The following SESTD1 variants were observed in gnomAD, a reference collection of about 807,000 sequenced individuals.
SESTD1 encodes SEC14 and spectrin domain containing 1.
SESTD1 carries 43 observed loss-of-function variants against 101.7 expected under a neutral mutation model. That is an observed-to-expected ratio of 0.42 (90% CI 0.33 to 0.55). The LOEUF is 0.55. Among genes scored for constraint, SESTD1 ranks in the 20% least tolerant of loss-of-function variants. SESTD1 has a pLI of 0.07. For synonymous variants in SESTD1, 283 were observed against 286.8 expected, an observed-to-expected ratio of 0.99 and a Z score of 0.13; for missense variants, 647 against 815.1, an observed-to-expected ratio of 0.79 and a Z score of 2.51.
At chr2:179,213,052 G>T (rs1487397507) in intron 1 of SESTD1, among the ~76,000 whole-genome samples, 1 of 135,166 alleles carries the variant, frequency 7.4e-6, no homozygotes, top group Non-Finnish European at 1.6e-5. Flanking sequence ...AACCAGAGCA[G>T]AAAAGCTGAA....
At chr2:179,118,677 A>G (rs1198035062) in intron 13 of SESTD1, among the ~76,000 whole-genome samples, 1 of 152,240 alleles carries the variant, frequency 6.6e-6, no homozygotes, top group Non-Finnish European at 1.5e-5. Flanking sequence ...ATATGAAACT[A>G]AAAAACAATG....
At chr2:179,123,527 C>G (rs1352566390) in intron 12 of SESTD1, among the ~76,000 whole-genome samples, 188 bp downstream of exon 12, 1 of 152,026 alleles carries the variant, frequency 6.6e-6, no homozygotes, top group African/African-American at 2.4e-5. Context: ...GACTAACTAA[C>G]GATGAAAAAT....
intron 1 of SESTD1, among the ~76,000 whole-genome samples, chr2:179,257,756 C>T (rs1035211578): frequency 1.3e-5 from 2 of 152,174 alleles, no homozygotes; most frequent in African/African-American, 2.4e-5. Flanking sequence ...GGCCACAAAT[C>T]TAGTTCTGGC....
chr2:179,239,880 CAA>C (rs2047125044), intron 1 of SESTD1, among the ~76,000 whole-genome samples: 1 of 152,276 alleles, frequency 6.6e-6, no homozygotes, highest in East Asian at 1.9e-4. Flanking sequence ...TATTAACAAC[CAA>C]TTTACAATCA....
intron 1 of SESTD1, among the ~76,000 whole-genome samples, chr2:179,211,087 AAAGGAATATACCTAACC>A (rs2046645605): frequency 7.5e-6 from 1 of 133,182 alleles, no homozygotes; most frequent in Non-Finnish European, 1.6e-5. Flanking sequence ...CAAAAAAAAA[AAAGGAATATACCTAACC>A]AAGGAAGTGA....
chr2:179,177,999 A>C (rs2046040672), intron 3 of SESTD1, among the ~76,000 whole-genome samples: 1 of 152,212 alleles, frequency 6.6e-6, no homozygotes, highest in African/African-American at 2.4e-5. Flanking sequence ...AGAATAGGCA[A>C]ATCTAGAGAC....
chr2:179,189,235 T>A (rs1031286775), intron 2 of SESTD1, among the ~76,000 whole-genome samples: 7 of 152,134 alleles, frequency 4.6e-5, no homozygotes, highest in African/African-American at 1.2e-4. Context: ...CCACATTCAA[T>A]TAGGCTTTAT....
chr2:179,206,122 C>T (rs1302831257), intron 1 of SESTD1, among the ~76,000 whole-genome samples: 1 of 135,200 alleles, frequency 7.4e-6, no homozygotes, highest in Admixed American at 7.2e-5. Context: ...TGTTAAATAA[C>T]ATGAAGGTGG....
chr2:179,230,746 T>C (rs961014929), intron 1 of SESTD1, among the ~76,000 whole-genome samples: 2 of 151,738 alleles, frequency 1.3e-5, no homozygotes, highest in East Asian at 3.9e-4. Flanking sequence ...AAAGAAAATA[T>C]TAGAACAGAA....
intron 13 of SESTD1, among the ~76,000 whole-genome samples, chr2:179,121,373 A>G (rs1420985030): frequency 1.3e-5 from 2 of 152,236 alleles, no homozygotes; most frequent in African/African-American, 4.8e-5. Flanking sequence ...AATGTGTGAC[A>G]TTCTGTAAGT....
intron 2 of SESTD1, among the ~76,000 whole-genome samples, chr2:179,189,559 AG>A (rs2046288836): frequency 6.6e-6 from 1 of 152,180 alleles, no homozygotes; most frequent in African/African-American, 2.4e-5. Flanking sequence ...TAGTACTAAA[AG>A]TCCTAGCAAG....
intron 13 of SESTD1, among the ~76,000 whole-genome samples, chr2:179,120,011 A>C (rs1273613168): frequency 1.3e-5 from 2 of 152,098 alleles, no homozygotes; most frequent in African/African-American, 4.8e-5. Context: ...TGGGCGGATC[A>C]CGAGGTCAGG....
chr2:179,149,446 G>T, intron 6 of SESTD1, 52 bp from the exon 7 acceptor site: 2 of 1,230,820 alleles, frequency 1.6e-6, no homozygotes, highest in Non-Finnish European at 2.3e-6. Context: ...AAATTAATAT[G>T]TAATAAGGAT....
intron 10 of SESTD1, among the ~76,000 whole-genome samples, chr2:179,131,873 T>TA (rs571133035): frequency 2.9e-4 from 44 of 152,294 alleles, no homozygotes; most frequent in Middle Eastern, 3.4e-3. Context: ...CCTCTGGACT[T>TA]ACTCTCCATC....
At chr2:179,113,816 A>C (rs2154393704) in intron 16 of SESTD1, among the ~76,000 whole-genome samples, 1 of 151,892 alleles carries the variant, frequency 6.6e-6, no homozygotes, top group South Asian at 2.1e-4. Flanking sequence ...CAGTGAGCTG[A>C]GATCATGCCA....
In SESTD1 at chr2:179,145,089, T is replaced by A. The variant is rs951248341; in HGVS notation, c.638-1286A>T. On this transcript the variant is annotated intron_variant, in intron 8 of 17. Coordinates refer to ENST00000428443, the MANE Select transcript of SESTD1 (RefSeq NM_178123.5). ...AACAAATATATTCAGAATTTACTTC[T>A]TTATTATTTATTACATTTTATAATT... is the stretch of plus-strand genomic sequence containing the variant. Among the ~76,000 whole-genome samples the A allele has an allele frequency of 7.2e-5, 11 of 152,294 alleles. 1 individual carries two copies. Among genetic ancestry groups the A allele is most frequent in the African/African-American group, 2.4e-4 (10 of 41,578 alleles).
At chr2:179,220,880 T>C (rs200280865) in intron 1 of SESTD1, among the ~76,000 whole-genome samples, 3 of 152,288 alleles carry the variant, frequency 2.0e-5, no homozygotes, top group East Asian at 1.9e-4. Flanking sequence ...ATGCCTTCCA[T>C]TGAGTTAAGA....
At chr2:179,250,711 C>A (rs953280969) in intron 1 of SESTD1, among the ~76,000 whole-genome samples, 2 of 150,262 alleles carry the variant, frequency 1.3e-5, no homozygotes, top group Non-Finnish European at 1.5e-5. Context: ...TTTTAAAAGA[C>A]CTGTTTCCAA....
At chr2:179,193,776 A>G (rs2046351921) in intron 1 of SESTD1, among the ~76,000 whole-genome samples, 1 of 152,190 alleles carries the variant, frequency 6.6e-6, no homozygotes, top group East Asian at 1.9e-4. Flanking sequence ...ATCCTAAAAT[A>G]ATGGATAAAT....
Sources: allele counts gnomAD v4.1 joint callset (sites outside exome capture counted in the v4.1 genomes callset), GRCh38; gene constraint gnomAD v4.1.1; transcripts MANE v1.5; gene names NCBI Gene and HGNC (gene_info 2026-07-23, HGNC 2026-07-21).